The following FHIT variants were observed in gnomAD, a reference collection of about 807,000 sequenced individuals.
The protein encoded by FHIT is fragile histidine triad diadenosine triphosphatase, also known as bis(5'-adenosyl)-triphosphatase.
Under a neutral mutation model 17.9 loss-of-function variants are expected in FHIT, and 19 were observed. The observed-to-expected ratio is 1.06, with a 90% CI of 0.74 to 1.56. FHIT has a LOEUF of 1.56. Ranked by LOEUF, FHIT falls within the 40% of genes most tolerant of loss-of-function variation. The probability of loss-of-function intolerance (pLI) is 0.00; values close to 1 mark genes in which losing one functional copy is unlikely to be tolerated. For missense variants in FHIT, 248 were observed against 189.2 expected (o/e 1.31, Z -1.82); for synonymous variants, 81 against 69.7 (o/e 1.16, Z -0.81).
At chr3:59,908,505 C>A (rs2107122953) in intron 8 of FHIT, among the ~76,000 whole-genome samples, 1 of 152,240 alleles carries the variant, frequency 6.6e-6, no homozygotes, top group Middle Eastern at 3.4e-3. Flanking sequence ...AGGTCACCAT[C>A]CTGCAAAGAA....
At chr3:59,779,319 G>A (rs1487423398) in intron 8 of FHIT, among the ~76,000 whole-genome samples, 2 of 152,160 alleles carry the variant, frequency 1.3e-5, no homozygotes, top group Admixed American at 6.5e-5. Flanking sequence ...CAGGTACCGA[G>A]AGGCAGGTTC....
chr3:60,274,481 C>T (rs1331350652), intron 5 of FHIT, among the ~76,000 whole-genome samples: 1 of 152,164 alleles, frequency 6.6e-6, no homozygotes, highest in East Asian at 1.9e-4. Flanking sequence ...ACACTTACTA[C>T]ATGGATGTAT....
intron 2 of FHIT, among the ~76,000 whole-genome samples, chr3:61,059,709 A>G (rs2034357909): frequency 6.6e-6 from 1 of 152,210 alleles, no homozygotes; most frequent in Non-Finnish European, 1.5e-5. Flanking sequence ...AAGGGCAGGG[A>G]ACAACCTGAA....
intron 3 of FHIT, among the ~76,000 whole-genome samples, chr3:61,034,609 T>C (rs2033156188): frequency 6.6e-6 from 1 of 152,176 alleles, no homozygotes; most frequent in Non-Finnish European, 1.5e-5. Context: ...AGGATGGCTA[T>C]TATTTTCTTT....
At chr3:60,335,285 C>A (rs1458223168) in intron 5 of FHIT, among the ~76,000 whole-genome samples, 1 of 152,050 alleles carries the variant, frequency 6.6e-6, no homozygotes, top group Non-Finnish European at 1.5e-5. Context: ...TTAAAAAAAA[C>A]TTGAATTGCA....
chr3:60,544,503 C>G (rs957559541), intron 4 of FHIT, among the ~76,000 whole-genome samples: 1 of 151,890 alleles, frequency 6.6e-6, no homozygotes, highest in African/African-American at 2.4e-5. Context: ...AATTCAACTC[C>G]GTCACAAGGT....
At chr3:61,084,441 T>TTGCATGAAA in intron 2 of FHIT, among the ~76,000 whole-genome samples, 1 of 152,334 alleles carries the variant, frequency 6.6e-6, no homozygotes, top group African/African-American at 2.4e-5. Flanking sequence ...TTGATTAGAA[T>TTGCATGAAA]TGCATGAAAT....
chr3:61,182,030 C>T (rs1460162076), intron 2 of FHIT, among the ~76,000 whole-genome samples: 1 of 152,166 alleles, frequency 6.6e-6, no homozygotes, highest in East Asian at 1.9e-4. Context: ...GGGCTACATG[C>T]TCCATAGTCA....
At chr3:60,633,580 A>G (rs1309571548) in intron 4 of FHIT, among the ~76,000 whole-genome samples, 1 of 152,338 alleles carries the variant, frequency 6.6e-6, no homozygotes, top group Admixed American at 6.5e-5. Flanking sequence ...AAGGAGCCAA[A>G]TAAAAGCAGT....
chr3:59,888,879 C>T (rs1342860014), intron 8 of FHIT, among the ~76,000 whole-genome samples: 1 of 152,202 alleles, frequency 6.6e-6, no homozygotes, highest in East Asian at 1.9e-4. Context: ...AAGGGGCAAG[C>T]TGCATCCAGT....
chr3:59,771,048 C>T (rs892163617), intron 8 of FHIT, among the ~76,000 whole-genome samples: 7 of 152,182 alleles, frequency 4.6e-5, no homozygotes, highest in Admixed American at 2.0e-4. Context: ...CTTGAAATAC[C>T]TGCACTCTAG....
At chr3:60,926,566 G>C (rs1252627570) in intron 3 of FHIT, among the ~76,000 whole-genome samples, 13 of 152,146 alleles carry the variant, frequency 8.5e-5, no homozygotes, top group Non-Finnish European at 1.5e-4. Flanking sequence ...AGTGTGTAGA[G>C]GGAAATTTAT....
chr3:60,812,105 T>C (rs1900669), intron 4 of FHIT, among the ~76,000 whole-genome samples: 47,147 of 151,740 alleles, frequency 0.31, 8,034 homozygotes, highest in Middle Eastern at 0.39. Context: ...ACAGAGTACA[T>C]GGAGATCTGG....
At chr3:61,019,918 G>A (rs980075408) in intron 3 of FHIT, among the ~76,000 whole-genome samples, 4 of 150,880 alleles carry the variant, frequency 2.7e-5, no homozygotes, top group East Asian at 2.0e-4. Context: ...TAGAACGTGC[G>A]GGTTTGTTAC....
intron 5 of FHIT, among the ~76,000 whole-genome samples, chr3:60,338,021 A>C (rs1011036959): frequency 2.0e-5 from 3 of 152,138 alleles, no homozygotes; most frequent in African/African-American, 7.2e-5. Flanking sequence ...TTTTCAAATA[A>C]TGTTTCTTTT....
At chr3:60,366,666 G>A (rs1256542276) in intron 5 of FHIT, among the ~76,000 whole-genome samples, 3 of 152,110 alleles carry the variant, frequency 2.0e-5, no homozygotes, top group Non-Finnish European at 4.4e-5. Flanking sequence ...CCCTTCTGCC[G>A]TCCGCTCCCC....
chr3:60,163,548 T>G (rs1210916702), intron 5 of FHIT, among the ~76,000 whole-genome samples: 1 of 152,116 alleles, frequency 6.6e-6, no homozygotes, highest in Non-Finnish European at 1.5e-5. Context: ...TCAAGAAAAC[T>G]GTTCCCTACC....
chr3:60,165,337 C>T (rs1025456125), intron 5 of FHIT, among the ~76,000 whole-genome samples: 1 of 152,206 alleles, frequency 6.6e-6, no homozygotes, highest in Non-Finnish European at 1.5e-5. Context: ...GTTTTGTAGG[C>T]TTAAATCTCC....
chr3:60,811,928 T>G (rs1271390185), intron 4 of FHIT, among the ~76,000 whole-genome samples: 3 of 152,178 alleles, frequency 2.0e-5, no homozygotes, highest in African/African-American at 7.2e-5. Flanking sequence ...GTCTGAAATG[T>G]TGACTCTAAG....
Sources: gnomAD v4.1 joint callset for allele counts (sites outside exome capture counted in the v4.1 genomes callset) on GRCh38, gnomAD v4.1.1 for gene constraint, MANE v1.5 for transcripts, NCBI Gene and HGNC (gene_info 2026-07-23, HGNC 2026-07-21) for gene names.